Variants in SPAM1 observed in about 807,000 individuals in gnomAD.
The protein encoded by SPAM1 is hyaluronidase PH-20.
A neutral mutation model predicts 29.6 loss-of-function variants in SPAM1; 22 were observed. The ratio of observed to expected loss-of-function variants is 0.74; its 90% CI spans 0.53 to 1.06. The LOEUF (loss-of-function observed/expected upper bound fraction) is 1.06, where lower values mean the gene tolerates loss of function less well. SPAM1 is among the 50% of genes least tolerant of loss of function. The pLI is 0.00. For missense variants in SPAM1, 534 were observed against 604.0 expected, an observed-to-expected ratio of 0.88 and a Z score of 1.21; for synonymous variants, 194 against 204.6, an observed-to-expected ratio of 0.95 and a Z score of 0.44.
At chr7:123,963,985 T>C (rs1443949582), downstream of SPAM1, among the ~76,000 whole-genome samples, 1 of 151,944 alleles carries the variant, frequency 6.6e-6, no homozygotes, top group African/African-American at 2.4e-5. Flanking sequence ...ATTTTTCCTC[T>C]ATTAAATGAT....
At chr7:123,930,620 T>C (rs76856438) in intron 1 of SPAM1, among the ~76,000 whole-genome samples, 2,576 of 152,262 alleles carry the variant, frequency 0.017, 79 homozygotes, top group African/African-American at 0.059. Flanking sequence ...ATCTGTGATA[T>C]TGGACAGGTG....
At chr7:123,937,902 A>G (rs2117032233) in intron 1 of SPAM1, among the ~76,000 whole-genome samples, 1 of 152,298 alleles carries the variant, frequency 6.6e-6, no homozygotes, top group Admixed American at 6.5e-5. Context: ...AGTGAATGTG[A>G]GAAGACAGAA....
At chr7:123,960,364 C>T (rs1792342847), downstream of SPAM1, among the ~76,000 whole-genome samples, 1 of 151,926 alleles carries the variant, frequency 6.6e-6, no homozygotes, top group African/African-American at 2.4e-5. Flanking sequence ...CCTTTCAATA[C>T]AAGCCATCAG....
intron 2 of SPAM1, among the ~76,000 whole-genome samples, chr7:123,951,005 G>C (rs967913461): frequency 4.6e-5 from 7 of 152,140 alleles, no homozygotes; most frequent in Admixed American, 3.9e-4. Context: ...TTCTCTGGTA[G>C]TTAGTGATGT....
At chr7:123,961,440 A>G (rs1285821146), downstream of SPAM1, among the ~76,000 whole-genome samples, 1 of 151,836 alleles carries the variant, frequency 6.6e-6, no homozygotes, top group African/African-American at 2.4e-5. Context: ...TGCTTGCCTT[A>G]TTTCCCATAA....
intron 1 of SPAM1, among the ~76,000 whole-genome samples, chr7:123,926,711 A>G (rs1465827360): frequency 1.3e-5 from 2 of 152,188 alleles, no homozygotes; most frequent in Non-Finnish European, 2.9e-5. Flanking sequence ...GGGGGCTTCT[A>G]GCTTATAGAT....
intron 1 of SPAM1, among the ~76,000 whole-genome samples, chr7:123,930,190 C>A (rs185585929): frequency 1.6e-4 from 24 of 152,110 alleles, no homozygotes; most frequent in Non-Finnish European, 3.1e-4. Context: ...TTCATCTCCC[C>A]ATAGGTACCA....
chr7:123,964,786 A>G (rs1792401676), downstream of SPAM1, among the ~76,000 whole-genome samples: 1 of 152,004 alleles, frequency 6.6e-6, no homozygotes, highest in African/African-American at 2.4e-5. Context: ...AGCAGGAAAA[A>G]CTGTTAAAAC....
chr7:123,959,609 A>C lies in SPAM1; in HGVS notation c.1170A>C (p.Lys390Asn). 1.2e-6 allele frequency: 2 copies of C among 1,613,302 alleles called. No individual in the cohort carries two copies. The highest frequency in any genetic ancestry group is 1.7e-6 in the Non-Finnish European group (2 of 1,179,566). The change falls in exon 5 of 5, where the codon AAA becomes AAC. Residue 390 changes from lysine to asparagine, a missense_variant. Lys to Asn is a moderately conservative substitution (Grantham distance 94). Transcript: ENST00000682466. ...AGGAGCAAGGAGTGTGTATAAGGAA[A>C]AACTGGAATTCAAGTGACTATCTTC... ...LCQEQGVCIR[K>N]NWNSSDYLHL...
At chr7:123,935,356 A>T (rs180683004) in intron 1 of SPAM1, among the ~76,000 whole-genome samples, 115 of 152,280 alleles carry the variant, frequency 7.6e-4, no homozygotes, top group Non-Finnish European at 1.3e-3. Context: ...ACATTATTTC[A>T]TCAAAATTTC....
intron 5 of SPAM1, among the ~76,000 whole-genome samples, chr7:123,965,652 A>G (rs1792415336): frequency 6.6e-6 from 1 of 151,940 alleles, no homozygotes; most frequent in South Asian, 2.1e-4. Flanking sequence ...ATTCCGTTCC[A>G]TTGATCTATG....
Position 123,966,715 on chromosome 7 carries a change from A to G in SPAM1, c.1486-3483A>G, listed in dbSNP as rs146612036. ...TTCTTCTTACAAATGGGAGCTGAAC[A>G]ATGAGAACACATGGACACACTGGGA... On this transcript the variant is annotated intron_variant, in intron 5 of 6. Transcript: ENST00000340011. Among the ~76,000 whole-genome samples the G allele has an allele frequency of 2.6e-5, 4 of 152,158 alleles. No individual in the cohort carries two copies. In the East Asian group the frequency reaches 7.8e-4, roughly 30 times the overall value.
chr7:123,937,437 TA>T (rs1476335722), intron 1 of SPAM1, among the ~76,000 whole-genome samples: 3 of 151,834 alleles, frequency 2.0e-5, no homozygotes, highest in Non-Finnish European at 4.4e-5. Flanking sequence ...CCGTCTCTAC[TA>T]AAAATACAAA....
intron 6 of SPAM1, chr7:123,970,365 C>T: frequency 8.7e-7 from 1 of 1,149,432 alleles, no homozygotes; most frequent in Non-Finnish European, 1.2e-6. Flanking sequence ...CTTATAAGGA[C>T]ACCAGTCATG....
At chr7:123,951,287 GT>G (rs1472256274) in intron 2 of SPAM1, among the ~76,000 whole-genome samples, 8 of 152,036 alleles carry the variant, frequency 5.3e-5, no homozygotes, top group African/African-American at 1.9e-4. Flanking sequence ...TTCCATTTTT[GT>G]TTTTGTTGCA....
chr7:123,937,418 G>A (rs1028230076), intron 1 of SPAM1, among the ~76,000 whole-genome samples: 8 of 151,838 alleles, frequency 5.3e-5, no homozygotes, highest in Non-Finnish European at 8.8e-5. Context: ...TGGATAACAT[G>A]GTGAAATCCC....
intron 1 of SPAM1, among the ~76,000 whole-genome samples, chr7:123,938,863 C>T (rs1156237672): frequency 6.6e-6 from 1 of 152,170 alleles, no homozygotes; most frequent in African/African-American, 2.4e-5. Flanking sequence ...TTCAGCCTAA[C>T]TTGGTACTGA....
Position 123,959,616 on chromosome 7 carries a change from A to T in SPAM1, c.1177A>T (p.Asn393Tyr). 6.2e-7 allele frequency: 1 copy of T among 1,613,354 alleles called. No homozygotes were observed. Among genetic ancestry groups the T allele is most frequent in the Non-Finnish European group, 8.5e-7 (1 of 1,179,580 alleles). ...EQGVCIRKNW[N>Y]SSDYLHLNPD... ...AGGAGTGTGTATAAGGAAAAACTGG[A>T]ATTCAAGTGACTATCTTCACCTCAA... The change falls in exon 5 of 5, where the codon AAT becomes TAT. Residue 393 changes from asparagine (N) to tyrosine (Y), a missense_variant. Coordinates refer to ENST00000682466, the MANE Select transcript of SPAM1 (RefSeq NM_153189.3).
rs780520831 is a variant in SPAM1 at position 123,953,602 on chromosome 7, T to A, written c.32T>A (p.Phe11Tyr). The change falls in exon 3 of 5, where the codon TTC becomes TAC. Residue 11 changes from phenylalanine to tyrosine, a missense_variant. Transcript: ENST00000682466. ...GTGCTAAAATTCAAGCACATCTTTT[T>A]CAGAAGCTTTGTTAAATCAAGTGGA... is the stretch of plus-strand genomic sequence containing the variant. MGVLKFKHIF[F>Y]RSFVKSSGVS... is the part of the protein sequence containing the mutation. The A allele has an allele frequency of 1.3e-6, 2 of 1,599,118 alleles. No homozygotes were observed. The highest frequency in any genetic ancestry group is 2.2e-5 in the East Asian group (1 of 44,796).
Sources: gnomAD v4.1 joint callset for allele counts (sites outside exome capture counted in the v4.1 genomes callset) on GRCh38, gnomAD v4.1.1 for gene constraint, MANE v1.5 for transcripts, NCBI Gene and HGNC (gene_info 2026-07-23, HGNC 2026-07-21) for gene names.